Variants in CDC73 observed in about 807,000 individuals in gnomAD.
The protein encoded by CDC73 is cell division cycle 73.
In CDC73, 21 loss-of-function variants were observed where a neutral mutation model predicts 83.7. The ratio of observed to expected loss-of-function variants is 0.25; its 90% CI spans 0.18 to 0.36. The LOEUF (loss-of-function observed/expected upper bound fraction) is 0.36, where lower values mean the gene tolerates loss of function less well. CDC73 is among the 10% of genes least tolerant of loss of function. The pLI is 1.00. For synonymous variants in CDC73, 224 were observed against 212.9 expected, an observed-to-expected ratio of 1.05 and a Z score of -0.45; for missense variants, 342 against 653.3, an observed-to-expected ratio of 0.52 and a Z score of 5.19.
intron 5 of CDC73, 39 bp from the exon 6 acceptor site, chr1:193,138,046 A>T: frequency 2.1e-6 from 3 of 1,458,630 alleles, no homozygotes; most frequent in Non-Finnish European, 2.9e-6. Context: ...TAAAAGTTCA[A>T]TAAAAATTTT....
chr1:193,200,541 C>A (rs1677075223), intron 10 of CDC73, among the ~76,000 whole-genome samples: 1 of 152,152 alleles, frequency 6.6e-6, no homozygotes, highest in Admixed American at 6.5e-5. Context: ...TTCTAGAATG[C>A]CTCAAGTCTT....
chr1:193,185,185 G>A (rs1345188064), intron 10 of CDC73, among the ~76,000 whole-genome samples: 1 of 151,898 alleles, frequency 6.6e-6, no homozygotes, highest in Non-Finnish European at 1.5e-5. Flanking sequence ...TCCATATTAT[G>A]TTTTTGAATT....
chr1:193,192,488 A>G (rs955945410), intron 10 of CDC73, among the ~76,000 whole-genome samples: 1 of 152,248 alleles, frequency 6.6e-6, no homozygotes, highest in East Asian at 1.9e-4. Flanking sequence ...AAGTAAATAG[A>G]ATTTTTTTTT....
intron 10 of CDC73, among the ~76,000 whole-genome samples, chr1:193,163,666 C>T (rs1026516139): frequency 6.6e-6 from 1 of 152,050 alleles, no homozygotes; most frequent in Non-Finnish European, 1.5e-5. Context: ...TTTGGGGCAC[C>T]TGTGATAGAC....
intron 14 of CDC73, among the ~76,000 whole-genome samples, 159 bp downstream of exon 14, chr1:193,233,313 AG>A (rs1186922483): frequency 1.3e-5 from 2 of 152,226 alleles, no homozygotes; most frequent in Non-Finnish European, 2.9e-5. Flanking sequence ...CTCCTGCCTC[AG>A]GCTCCCAAAT....
Position 193,251,684 on chromosome 1 carries a change from A to G in CDC73, c.*972A>G, listed in dbSNP as rs886045717. On this transcript the variant is annotated 3_prime_UTR_variant, in exon 17 of 17. Coordinates refer to ENST00000367435, the MANE Select transcript of CDC73 (RefSeq NM_024529.5). ...GCTTAATTGTCTGAAAAGAAACAAGAGAAAAACACTGGTATTTTTATGTCT... is the reference window on the plus strand; with the variant it reads ...GCTTAATTGTCTGAAAAGAAACAAGGGAAAAACACTGGTATTTTTATGTCT... 1 of 232,164 alleles carries G rather than the reference A, an allele frequency of 4.3e-6. No individual in the cohort carries two copies. Among genetic ancestry groups the G allele is most frequent in the Non-Finnish European group, 8.5e-6 (1 of 117,098 alleles). The allele number at this position is 232,164 out of a possible 1,614,324, so 14.4% of individuals were successfully genotyped here. A position where few individuals can be genotyped will look rare whatever the true frequency, so the allele number is the denominator to read the frequency against.
At chr1:193,175,810 C>T (rs1676593032) in intron 10 of CDC73, among the ~76,000 whole-genome samples, 1 of 152,102 alleles carries the variant, frequency 6.6e-6, no homozygotes, top group African/African-American at 2.4e-5. Context: ...GCCAATTCCC[C>T]ACAGATACAG....
chr1:193,204,253 A>ATGTGTGTG (rs370382322), intron 11 of CDC73, among the ~76,000 whole-genome samples: 1,558 of 123,640 alleles, frequency 0.013, 30 homozygotes, highest in African/African-American at 0.047. Context: ...ATATATGTGT[A>ATGTGTGTG]TGTGTGTGTG....
At chr1:193,175,819 A>G (rs1676593197) in intron 10 of CDC73, among the ~76,000 whole-genome samples, 1 of 152,228 alleles carries the variant, frequency 6.6e-6, no homozygotes, top group Non-Finnish European at 1.5e-5. Flanking sequence ...CCACAGATAC[A>G]GAGGTATAAT....
In CDC73 at chr1:193,253,142, A is replaced by G. The variant is rs1435690872; in HGVS notation, c.*2430A>G. On this transcript the variant is annotated 3_prime_UTR_variant, in exon 17 of 17. Transcript: ENST00000367435. ...AGTCAAGGAACAGTAAGAAATATGTAGGTTTCAATCAGTTGCTCTCAACCC... is the reference window on the plus strand; with the variant it reads ...AGTCAAGGAACAGTAAGAAATATGTGGGTTTCAATCAGTTGCTCTCAACCC... The G allele has an allele frequency of 4.3e-6, 1 of 232,454 alleles. No homozygotes were observed. Among genetic ancestry groups the G allele is most frequent in the Non-Finnish European group, 8.5e-6 (1 of 117,488 alleles). The allele number at this position is 232,454 out of a possible 1,614,324, so 14.4% of individuals were successfully genotyped here. A position where few individuals can be genotyped will look rare whatever the true frequency, so the allele number is the denominator to read the frequency against.
chr1:193,132,457 G>A (rs1227912147), intron 3 of CDC73, among the ~76,000 whole-genome samples: 1 of 152,140 alleles, frequency 6.6e-6, no homozygotes, highest in African/African-American at 2.4e-5. Flanking sequence ...TGAAGAGGAT[G>A]GAGTTGGGGA....
chr1:193,139,210 T>A (rs1047271760), intron 6 of CDC73, among the ~76,000 whole-genome samples: 25 of 152,214 alleles, frequency 1.6e-4, no homozygotes, highest in African/African-American at 6.0e-4. Context: ...TAATTTTTTT[T>A]ATGTAATTCC....
At position 193,254,371 on chromosome 1, in the gene CDC73, T is replaced by C. The variant is rs1422439457; in HGVS notation, c.*3659T>C. On this transcript the variant is annotated 3_prime_UTR_variant, in exon 17 of 17. Transcript: ENST00000367435. ...TACATTAGCCTTAATATTACTTGAC[T>C]GAATTTCTACTATTTATTCACTTGT... 6.6e-6 allele frequency among the ~76,000 whole-genome samples: 1 copy of C among 152,132 alleles called. No individual in the cohort carries two copies. The highest frequency in any genetic ancestry group is 2.4e-5 in the African/African-American group (1 of 41,460).
chr1:193,128,808 T>C (rs1011076936), intron 2 of CDC73, among the ~76,000 whole-genome samples: 1 of 152,170 alleles, frequency 6.6e-6, no homozygotes, highest in Non-Finnish European at 1.5e-5. Context: ...TATAAGGTCA[T>C]TGGCCAAAGA....
chr1:193,210,524 T>G (rs1398488769), intron 11 of CDC73, among the ~76,000 whole-genome samples: 3 of 152,154 alleles, frequency 2.0e-5, no homozygotes, highest in Non-Finnish European at 2.9e-5. Context: ...ATTCATCTTG[T>G]GTTAGGTTAT....
intron 10 of CDC73, among the ~76,000 whole-genome samples, chr1:193,156,432 A>G (rs1233417239): frequency 6.6e-6 from 1 of 152,246 alleles, no homozygotes; most frequent in Non-Finnish European, 1.5e-5. Context: ...AATTTATTCC[A>G]ACAGTCATCA....
chr1:193,201,308 G>A (rs1677087182), intron 10 of CDC73, among the ~76,000 whole-genome samples: 1 of 152,148 alleles, frequency 6.6e-6, no homozygotes, highest in Non-Finnish European at 1.5e-5. Flanking sequence ...GAATGGTTAA[G>A]GGTAAAGTAG....
chr1:193,218,440 AAGG>A (rs1677407933), intron 13 of CDC73, among the ~76,000 whole-genome samples: 1 of 152,218 alleles, frequency 6.6e-6, no homozygotes, highest in African/African-American at 2.4e-5. Context: ...TGGAACCAAA[AAGG>A]AGGCAGAATA....
intron 10 of CDC73, among the ~76,000 whole-genome samples, chr1:193,163,775 T>A (rs927951351): frequency 2.6e-5 from 4 of 152,060 alleles, no homozygotes; most frequent in African/African-American, 9.7e-5. Context: ...GGCTATAGTA[T>A]AGTAGATTTT....
Sources: allele counts gnomAD v4.1 joint callset (sites outside exome capture counted in the v4.1 genomes callset), GRCh38; gene constraint gnomAD v4.1.1; transcripts MANE v1.5; gene names NCBI Gene and HGNC (gene_info 2026-07-23, HGNC 2026-07-21).